The following XYLT1 variants were observed in gnomAD, a reference collection of about 807,000 sequenced individuals.
XYLT1 encodes the protein beta-D-xylosyltransferase 1.
Under a neutral mutation model 91.3 loss-of-function variants are expected in XYLT1, and 36 were observed. The observed-to-expected ratio is 0.39, with a 90% CI of 0.30 to 0.52. The LOEUF is 0.52. XYLT1 is among the 20% of genes least tolerant of loss of function. XYLT1 has a pLI of 0.68. For missense variants in XYLT1, 1,242 were observed against 1,284.5 expected (o/e 0.97, Z 0.51); for synonymous variants, 588 against 532.0 (o/e 1.11, Z -1.45).
At chr16:17,218,888 T>A (rs1024890371) in intron 3 of XYLT1, among the ~76,000 whole-genome samples, 2 of 152,100 alleles carry the variant, frequency 1.3e-5, no homozygotes, top group African/African-American at 4.8e-5. Flanking sequence ...TAATTATAAA[T>A]GCCTGTGAGT....
intron 1 of XYLT1, among the ~76,000 whole-genome samples, chr16:17,427,743 C>T (rs567688750): frequency 1.3e-5 from 2 of 152,226 alleles, no homozygotes; most frequent in East Asian, 3.9e-4. Context: ...CTCTTACATT[C>T]GTGTTTTAAA....
intron 1 of XYLT1, among the ~76,000 whole-genome samples, chr16:17,419,030 G>A (rs9972828): frequency 2.9e-4 from 44 of 152,088 alleles, no homozygotes; most frequent in African/African-American, 9.2e-4. Flanking sequence ...GGCCAGATTC[G>A]CCCAACCCTA....
intron 10 of XYLT1, among the ~76,000 whole-genome samples, chr16:17,122,196 G>T (rs529931145): frequency 6.6e-6 from 1 of 152,286 alleles, no homozygotes; most frequent in East Asian, 1.9e-4. Flanking sequence ...TTCCATAGTG[G>T]TTGTCCTAGT....
At chr16:17,253,363 G>GGGTGCGCTATCCTGGCC (rs1405952146) in intron 3 of XYLT1, among the ~76,000 whole-genome samples, 1 of 152,100 alleles carries the variant, frequency 6.6e-6, no homozygotes, top group Non-Finnish European at 1.5e-5. Context: ...GGTCCTGGGA[G>GGGTGCGCTATCCTGGCC]GGTGCGCTAT....
intron 1 of XYLT1, among the ~76,000 whole-genome samples, chr16:17,437,776 T>C (rs2036480106): frequency 6.6e-6 from 1 of 152,146 alleles, no homozygotes; most frequent in Non-Finnish European, 1.5e-5. Context: ...GGAACACAAA[T>C]CTGGCAAGTT....
intron 5 of XYLT1, among the ~76,000 whole-genome samples, chr16:17,173,259 C>T (rs183772146): frequency 6.6e-5 from 10 of 152,294 alleles, no homozygotes; most frequent in South Asian, 6.2e-4. Flanking sequence ...GATTTGTGCA[C>T]GCCACACTAC....
At position 17,356,249 on chromosome 16, in the gene XYLT1, A is replaced by G. The variant is rs1290530362; in HGVS notation, c.402+1763T>C. Among the ~76,000 whole-genome samples, 3 of 152,314 alleles carry G rather than the reference A, an allele frequency of 2.0e-5. No individual in the cohort carries two copies. In the East Asian group the frequency reaches 5.8e-4, roughly 29 times the overall value. ...AAAGCAAAGTGAGTTATGTTAAGGAAAAATGTATTTTTAGGTGACTTTATA... is the reference window on the plus strand; with the variant it reads ...AAAGCAAAGTGAGTTATGTTAAGGAGAAATGTATTTTTAGGTGACTTTATA... On this transcript the variant is annotated intron_variant, in intron 2 of 11. Transcript: ENST00000261381.
At chr16:17,406,618 G>C (rs2036036156) in intron 1 of XYLT1, among the ~76,000 whole-genome samples, 1 of 152,232 alleles carries the variant, frequency 6.6e-6, no homozygotes, top group Non-Finnish European at 1.5e-5. Context: ...CATCTGGAAA[G>C]CAGATGGGAA....
intron 5 of XYLT1, among the ~76,000 whole-genome samples, chr16:17,175,013 C>T (rs544815276): frequency 2.6e-5 from 4 of 152,284 alleles, no homozygotes; most frequent in East Asian, 3.9e-4. Context: ...CTCAAGTTAC[C>T]GCCCTCTTTG....
rs1307266185 is a variant in XYLT1, at chr16:17,105,736, A to G, written c.*2959T>C. On this transcript the variant is annotated 3_prime_UTR_variant, in exon 12 of 12. Coordinates refer to ENST00000261381, the MANE Select transcript of XYLT1 (RefSeq NM_022166.4). ...GCTCAGCTCACAGCTGCAGGCTGTAATAGGTTTCCAGAGACCACAGCCCTA... is the reference window on the plus strand; with the variant it reads ...GCTCAGCTCACAGCTGCAGGCTGTAGTAGGTTTCCAGAGACCACAGCCCTA... The G allele has an allele frequency of 2.0e-5, 3 of 152,192 alleles. No individual in the cohort carries two copies. The highest frequency in any genetic ancestry group is 4.4e-5 in the Non-Finnish European group (3 of 68,044). 9.4% of individuals were successfully genotyped at this position (152,192 alleles called of 1,614,324 possible).
chr16:17,163,595 G>A (rs1597161566), intron 5 of XYLT1, among the ~76,000 whole-genome samples: 1 of 152,344 alleles, frequency 6.6e-6, no homozygotes, highest in African/African-American at 2.4e-5. Context: ...ACAGCCCAAC[G>A]GTGAGGTGAC....
chr16:17,362,139 TTA>T (rs1433059861), intron 1 of XYLT1, among the ~76,000 whole-genome samples: 1 of 152,228 alleles, frequency 6.6e-6, no homozygotes, highest in Non-Finnish European at 1.5e-5. Flanking sequence ...GGAAAATATA[TTA>T]TTACTTTAGA....
At chr16:17,445,817 A>T (rs2036584396) in intron 1 of XYLT1, 1 of 152,250 alleles carries the variant, frequency 6.6e-6, no homozygotes, top group African/African-American at 2.4e-5. Flanking sequence ...ACCATTCAGC[A>T]GCTGAAGTGA....
At chr16:17,149,528 C>A (rs2141530575) in intron 6 of XYLT1, among the ~76,000 whole-genome samples, 1 of 152,238 alleles carries the variant, frequency 6.6e-6, no homozygotes, top group African/African-American at 2.4e-5. Context: ...ATAAGTACAA[C>A]CTAAGGATTT....
chr16:17,203,833 T>C (rs933257514), intron 3 of XYLT1, among the ~76,000 whole-genome samples: 3 of 152,244 alleles, frequency 2.0e-5, no homozygotes, highest in Admixed American at 2.0e-4. Context: ...ACTTAAGGTG[T>C]ATGGGGCCTT....
At chr16:17,295,648 AC>A (rs1418270586) in intron 2 of XYLT1, among the ~76,000 whole-genome samples, 2 of 152,082 alleles carry the variant, frequency 1.3e-5, no homozygotes, top group Non-Finnish European at 2.9e-5. Flanking sequence ...GAGCCACCAC[AC>A]CCGACCCAAG....
intron 2 of XYLT1, among the ~76,000 whole-genome samples, chr16:17,352,842 A>G (rs1433745156): frequency 6.6e-6 from 1 of 152,210 alleles, no homozygotes; most frequent in Non-Finnish European, 1.5e-5. Context: ...CTAGGCAAGG[A>G]AACTTCTGTT....
At position 17,121,102 on chromosome 16, in the gene XYLT1, C is replaced by T. The variant is rs145668705; in HGVS notation, c.2224-3123G>A. Among the ~76,000 whole-genome samples, 866 of 152,292 alleles carry T rather than the reference C, an allele frequency of 5.7e-3. 9 individuals carry two copies. Among genetic ancestry groups the T allele is most frequent in the African/African-American group, 0.019 (807 of 41,556 alleles). On this transcript the variant is annotated intron_variant, in intron 10 of 11. Transcript: ENST00000261381. The stretch of plus-strand genomic sequence containing the variant: ...GAACACATGGACTTCCCTCCATGCA[C>T]TAGTTTCCAACAGATACTAACAAAA...
At chr16:17,307,452 G>A (rs1275579586) in intron 2 of XYLT1, among the ~76,000 whole-genome samples, 1 of 152,142 alleles carries the variant, frequency 6.6e-6, no homozygotes, top group Non-Finnish European at 1.5e-5. Context: ...CATTACAGGA[G>A]TCATCTCTAT....
Sources: gnomAD v4.1 joint callset for allele counts (sites outside exome capture counted in the v4.1 genomes callset) on GRCh38, gnomAD v4.1.1 for gene constraint, MANE v1.5 for transcripts, NCBI Gene and HGNC (gene_info 2026-07-23, HGNC 2026-07-21) for gene names.